OVCH1: variants seen among roughly 807,000 people sequenced by gnomAD.
OVCH1 encodes the protein ovochymase 1.
In OVCH1, 139 loss-of-function variants were observed where a neutral mutation model predicts 138.4. That is an observed-to-expected ratio of 1.00 (90% CI 0.87 to 1.16). The LOEUF (loss-of-function observed/expected upper bound fraction) is 1.16, where lower values mean the gene tolerates loss of function less well. OVCH1 is among the 50% of genes most tolerant of loss of function. The probability of loss-of-function intolerance (pLI) is 0.00; values close to 1 mark genes in which losing one functional copy is unlikely to be tolerated. For synonymous variants in OVCH1, 453 were observed against 467.8 expected, an observed-to-expected ratio of 0.97 and a Z score of 0.41; for missense variants, 1,367 against 1,357.9, an observed-to-expected ratio of 1.01 and a Z score of -0.11.
intron 13 of OVCH1, among the ~76,000 whole-genome samples, chr12:29,475,551 C>T (rs369353763): frequency 1.8e-4 from 27 of 152,126 alleles, no homozygotes; most frequent in East Asian, 1.5e-3. Context: ...AGGTAACACT[C>T]GAAGTCACTT....
chr12:29,495,556 G>T, intron 3 of OVCH1, 99 bp from the exon 4 acceptor site: 1 of 1,039,446 alleles, frequency 9.6e-7, no homozygotes, highest in Non-Finnish European at 1.4e-6. Flanking sequence ...GTATCTTTAA[G>T]CATCCCTGAG....
At chr12:29,472,304 A>G (rs536363435) in intron 15 of OVCH1, among the ~76,000 whole-genome samples, 13 of 152,294 alleles carry the variant, frequency 8.5e-5, no homozygotes, top group African/African-American at 2.9e-4. Context: ...TGATAAAAAT[A>G]CTGGCCCCCA....
chr12:29,483,369 G>A (rs909646726), intron 8 of OVCH1, among the ~76,000 whole-genome samples: 2 of 152,204 alleles, frequency 1.3e-5, no homozygotes, highest in Non-Finnish European at 2.9e-5. Flanking sequence ...AAGTTTGCCT[G>A]AGACAAAGTC....
At chr12:29,492,522 C>G (rs1943300030) in intron 4 of OVCH1, among the ~76,000 whole-genome samples, 1 of 151,998 alleles carries the variant, frequency 6.6e-6, no homozygotes, top group African/African-American at 2.4e-5. Context: ...ATTAGGAAGA[C>G]AGAAGAAGCA....
Position 29,496,760 on chromosome 12 carries a change from G to A in OVCH1, c.65-86C>T, listed in dbSNP as rs996336456. On this transcript the variant is annotated intron_variant, in intron 1 of 27. Coordinates refer to ENST00000318184, the Ensembl canonical transcript of OVCH1. ...AAGATTTCCCATTTGGATTTTCCTG[G>A]CCTGGCACAGACATTCTGATAGCAC... The A allele has an allele frequency of 7.1e-6, 7 of 979,114 alleles. No individual in the cohort carries two copies. The African/African-American group carries it at 1.1e-4, about 16-fold the overall frequency. The allele number at this position is 979,114 out of a possible 1,614,324, so 60.7% of individuals were successfully genotyped here.
At chr12:29,460,168 C>T (rs1474752046) in intron 19 of OVCH1, among the ~76,000 whole-genome samples, 2 of 152,192 alleles carry the variant, frequency 1.3e-5, no homozygotes, top group Non-Finnish European at 2.9e-5. Flanking sequence ...TAAGTGCCAA[C>T]TGAGATCATG....
At chr12:29,474,919 AG>A in intron 14 of OVCH1, 141 bp downstream of exon 14, 1 of 930,140 alleles carries the variant, frequency 1.1e-6, no homozygotes, top group Non-Finnish European at 1.5e-6. Flanking sequence ...CTAGGTTTCT[AG>A]GGGTGGATCC....
Position 29,461,997 on chromosome 12 carries a change from C to G in OVCH1, c.2137G>C (p.Ala713Pro), listed in dbSNP as rs774817349. The stretch of plus-strand genomic sequence containing the variant: ...ACTTGAATCTGCTGTAGGCGACTTG[C>G]TAGGCCACCATCTAATGAAGAAACA... The change falls in exon 19 of 28, where the codon GCA becomes CCA. Residue 713 changes from alanine to proline, a missense_variant. Coordinates refer to ENST00000318184, the Ensembl canonical transcript of OVCH1. The G allele has an allele frequency of 3.1e-6, 5 of 1,611,802 alleles. No homozygotes were observed. The South Asian group carries it at 5.5e-5, about 18-fold the overall frequency.
intron 3 of OVCH1, among the ~76,000 whole-genome samples, chr12:29,419,294 T>G (rs1281234686): frequency 8.8e-6 from 1 of 114,084 alleles, no homozygotes; most frequent in African/African-American, 3.4e-5. Context: ...CAAAGTATGA[T>G]TTTTTTTTTT....
chr12:29,476,749 A>G (rs549177302), intron 12 of OVCH1, among the ~76,000 whole-genome samples: 18 of 17,200 alleles, frequency 1.0e-3, no homozygotes, highest in South Asian at 9.9e-3. Context: ...ATAAGTACAC[A>G]CGCGCGCACA....
intron 8 of OVCH1, among the ~76,000 whole-genome samples, chr12:29,480,510 T>G (rs914110643): frequency 2.6e-5 from 4 of 152,304 alleles, no homozygotes; most frequent in Admixed American, 1.3e-4. Context: ...TATTAGTGAT[T>G]GCTGTTTTAA....
chr12:29,471,845 T>C (rs1169988099), exon 16 of OVCH1: 2 of 1,612,956 alleles, frequency 1.2e-6, no homozygotes, highest in Non-Finnish European at 1.7e-6. Flanking sequence ...ACTGGGTTGA[T>C]GATGGCACCT....
At chr12:29,425,641 G>A (rs1331406558), downstream of OVCH1, among the ~76,000 whole-genome samples, 2 of 152,108 alleles carry the variant, frequency 1.3e-5, no homozygotes, top group Non-Finnish European at 2.9e-5. Flanking sequence ...TTTGTGACTT[G>A]CTTGTCTCAT....
chr12:29,421,467 TAACTA>T (rs1225086000), intron 3 of OVCH1, among the ~76,000 whole-genome samples: 12 of 152,178 alleles, frequency 7.9e-5, no homozygotes, highest in African/African-American at 2.9e-4. Context: ...TCAATAAAGT[TAACTA>T]AAATATTAAT....
At chr12:29,403,992 C>G in the OVCH1 span, among the ~76,000 whole-genome samples, 1 of 152,220 alleles carries the variant, frequency 6.6e-6, no homozygotes, top group Non-Finnish European at 1.5e-5. Flanking sequence ...CATTAACTTT[C>G]TGTGACCAAT....
At chr12:29,440,025 G>T (rs1941446326) in intron 25 of OVCH1, among the ~76,000 whole-genome samples, 1 of 152,058 alleles carries the variant, frequency 6.6e-6, no homozygotes, top group African/African-American at 2.4e-5. Context: ...TCCTTTTGGG[G>T]TTTTATGAGG....
chr12:29,484,623 C>CA lies in OVCH1; in HGVS notation c.995+1622dup, dbSNP rs199990473. Reference sequence around the variant, plus strand: ...TGGGCAACGTAGGGAGACCTTGTCTCAAAAAAAAATTGCTGAAGTAGAGTG... The same window carrying CA: ...TGGGCAACGTAGGGAGACCTTGTCTCAAAAAAAAAATTGCTGAAGTAGAGTG... On this transcript the variant is annotated intron_variant, in intron 8 of 27. Transcript: ENST00000318184. 1.6e-4 allele frequency among the ~76,000 whole-genome samples: 24 copies of CA among 150,814 alleles called. No homozygotes were observed. In the South Asian group the frequency reaches 1.9e-3, roughly 12 times the overall value.
intron 8 of OVCH1, among the ~76,000 whole-genome samples, chr12:29,482,966 T>A (rs1942981345): frequency 6.6e-6 from 1 of 152,208 alleles, no homozygotes; most frequent in African/African-American, 2.4e-5. Context: ...AAGAAATGAC[T>A]TAATATTGAA....
intron 3 of OVCH1, among the ~76,000 whole-genome samples, chr12:29,419,569 C>T (rs1367928120): frequency 1.3e-5 from 2 of 152,040 alleles, no homozygotes; most frequent in African/African-American, 2.4e-5. Context: ...GCTGGGATTA[C>T]AGGCATGAGC....
Sources: gnomAD v4.1 joint callset for allele counts (sites outside exome capture counted in the v4.1 genomes callset) on GRCh38, gnomAD v4.1.1 for gene constraint, MANE v1.5 for transcripts, NCBI Gene and HGNC (gene_info 2026-07-23, HGNC 2026-07-21) for gene names.